The following TNR variants were observed in gnomAD, a reference collection of about 807,000 sequenced individuals.
TNR encodes the protein tenascin R.
TNR carries 45 observed loss-of-function variants against 150.4 expected under a neutral mutation model. The observed-to-expected ratio is 0.30, with a 90% CI of 0.24 to 0.38. TNR has a LOEUF of 0.38. Ranked by LOEUF, TNR falls within the 10% of genes least tolerant of loss-of-function variation. The pLI is 1.00. For synonymous variants in TNR, 687 were observed against 678.4 expected (o/e 1.01, Z -0.20); for missense variants, 1,544 against 1,759.1 (o/e 0.88, Z 2.19).
Position 175,363,757 on chromosome 1 carries a change from A to G in TNR, c.2658T>C (p.Pro886=), listed in dbSNP as rs1651706853. 1 of 1,613,978 alleles carries G rather than the reference A, an allele frequency of 6.2e-7. No individual in the cohort carries two copies. Among genetic ancestry groups the G allele is most frequent in the Non-Finnish European group, 8.5e-7 (1 of 1,179,876 alleles). Residue 886 remains proline, a synonymous_variant, in exon 13 of 23, where the codon CCT becomes CCC. Coordinates refer to ENST00000367674, the MANE Select transcript of TNR (RefSeq NM_003285.3). ...TKDSVMVSWS[P]PVASFDYYRV... ...GGTAGTAATCGAAAGATGCAACAGG[A>G]GGGCTCCAGGAGACCATCACTGAGT... is the stretch of plus-strand genomic sequence containing the variant.
chr1:175,333,057 G>A (rs1244087962), intron 20 of TNR, among the ~76,000 whole-genome samples: 1 of 152,174 alleles, frequency 6.6e-6, no homozygotes, highest in Non-Finnish European at 1.5e-5. Context: ...AGCATGAAAA[G>A]CATGAAACAC....
intron 1 of TNR, among the ~76,000 whole-genome samples, chr1:175,632,044 CAA>C (rs1320736108): frequency 1.3e-5 from 2 of 152,198 alleles, no homozygotes; most frequent in Non-Finnish European, 2.9e-5. Context: ...TAAATACCAT[CAA>C]AGTGCCCCAA....
chr1:175,365,387 A>T (rs1490935151), intron 11 of TNR, 108 bp from the exon 12 acceptor site: 6 of 1,289,728 alleles, frequency 4.7e-6, no homozygotes, highest in Non-Finnish European at 5.3e-6. Context: ...AATAAGGGCC[A>T]CACCTTCACC....
At chr1:175,479,363 CCA>C (rs994654127) in intron 2 of TNR, among the ~76,000 whole-genome samples, 30 of 152,316 alleles carry the variant, frequency 2.0e-4, no homozygotes, top group African/African-American at 7.0e-4. Context: ...AAGTTTCCCC[CCA>C]CCAACAATGC....
At chr1:175,677,034 G>A (rs553779518) in intron 1 of TNR, among the ~76,000 whole-genome samples, 1 of 152,356 alleles carries the variant, frequency 6.6e-6, no homozygotes, top group East Asian at 1.9e-4. Flanking sequence ...AGCCGAGATA[G>A]GATTTGGGGT....
intron 2 of TNR, among the ~76,000 whole-genome samples, chr1:175,437,246 T>C (rs1449368577): frequency 5.3e-5 from 8 of 152,166 alleles, no homozygotes; most frequent in Non-Finnish European, 8.8e-5. Context: ...CTCAACTACA[T>C]GAAAACTGAA....
At chr1:175,462,396 A>C (rs1448011045) in intron 2 of TNR, among the ~76,000 whole-genome samples, 1 of 152,214 alleles carries the variant, frequency 6.6e-6, no homozygotes, top group Non-Finnish European at 1.5e-5. Context: ...AAACATTTTG[A>C]TAAACGGGGA....
intron 1 of TNR, among the ~76,000 whole-genome samples, chr1:175,726,731 C>CA (rs1667490499): frequency 6.6e-6 from 1 of 152,134 alleles, no homozygotes; most frequent in Non-Finnish European, 1.5e-5. Flanking sequence ...AATTGAAAGA[C>CA]AAAATGTGAT....
At position 175,667,950 on chromosome 1, in the gene TNR, C is replaced by T. The variant is rs57626910; in HGVS notation, c.-165+75276G>A. 4.3e-3 allele frequency among the ~76,000 whole-genome samples: 659 copies of T among 152,260 alleles called. 8 individuals are homozygous for T. The highest frequency in any genetic ancestry group is 0.015 in the African/African-American group (604 of 41,538). ...TCATGCCTTGCTACTCAAAGTGTAG[C>T]CATGGGTTAGCACTGTTAGCATCAC... is the stretch of plus-strand genomic sequence containing the variant. On this transcript the variant is annotated intron_variant, in intron 1 of 22. Coordinates refer to ENST00000367674, the MANE Select transcript of TNR (RefSeq NM_003285.3).
At chr1:175,444,329 C>A (rs1005322827) in intron 2 of TNR, among the ~76,000 whole-genome samples, 1 of 152,014 alleles carries the variant, frequency 6.6e-6, no homozygotes, top group South Asian at 2.1e-4. Context: ...AAGGAATATG[C>A]GAGACTCAAT....
At chr1:175,450,451 A>G (rs1656250637) in intron 2 of TNR, among the ~76,000 whole-genome samples, 1 of 152,238 alleles carries the variant, frequency 6.6e-6, no homozygotes, top group South Asian at 2.1e-4. Context: ...GACCTCCCTG[A>G]TAGCCGAGGA....
At chr1:175,718,408 G>A (rs1175135093) in intron 1 of TNR, among the ~76,000 whole-genome samples, 2 of 152,210 alleles carry the variant, frequency 1.3e-5, no homozygotes, top group East Asian at 3.9e-4. Flanking sequence ...TAATTAGAAA[G>A]CATTATCCTA....
intron 2 of TNR, among the ~76,000 whole-genome samples, chr1:175,504,540 T>C (rs1262647805): frequency 6.6e-6 from 1 of 152,110 alleles, no homozygotes; most frequent in East Asian, 1.9e-4. Flanking sequence ...TTTCTCCCCC[T>C]CACTCTGGCT....
chr1:175,581,052 G>A (rs1662331110), intron 1 of TNR, among the ~76,000 whole-genome samples: 1 of 152,198 alleles, frequency 6.6e-6, no homozygotes, highest in South Asian at 2.1e-4. Context: ...CTAGCCATCA[G>A]GACTGAAAGC....
intron 1 of TNR, among the ~76,000 whole-genome samples, chr1:175,602,836 AG>A (rs1486714891): frequency 1.3e-5 from 2 of 152,254 alleles, no homozygotes; most frequent in Non-Finnish European, 2.9e-5. Context: ...GAAAGCTCCG[AG>A]ACCAACAAAC....
chr1:175,539,713 G>A (rs1278441654), intron 1 of TNR, among the ~76,000 whole-genome samples: 6 of 152,212 alleles, frequency 3.9e-5, no homozygotes, highest in African/African-American at 1.4e-4. Context: ...CCAGGCTGTT[G>A]CTCATGCAGT....
intron 1 of TNR, among the ~76,000 whole-genome samples, chr1:175,631,214 A>T (rs1015183932): frequency 6.6e-6 from 1 of 152,266 alleles, no homozygotes; most frequent in African/African-American, 2.4e-5. Flanking sequence ...ACATACATGA[A>T]ATGCATATAT....
At chr1:175,576,208 G>T (rs1662104541) in intron 1 of TNR, among the ~76,000 whole-genome samples, 1 of 152,166 alleles carries the variant, frequency 6.6e-6, no homozygotes, top group Non-Finnish European at 1.5e-5. Flanking sequence ...AGTTTAAAAA[G>T]AAATTACTTT....
chr1:175,665,051 G>A (rs1053885721), intron 1 of TNR, among the ~76,000 whole-genome samples: 2 of 152,188 alleles, frequency 1.3e-5, no homozygotes, highest in African/African-American at 2.4e-5. Context: ...TACAGCCAAC[G>A]TTCACATGAG....
Sources: allele counts gnomAD v4.1 joint callset (sites outside exome capture counted in the v4.1 genomes callset), GRCh38; gene constraint gnomAD v4.1.1; transcripts MANE v1.5; gene names NCBI Gene and HGNC (gene_info 2026-07-23, HGNC 2026-07-21).